Variants in LPP observed in about 807,000 individuals in gnomAD.
LPP encodes lipoma-preferred partner.
Under a neutral mutation model 60.4 loss-of-function variants are expected in LPP, and 38 were observed. The observed-to-expected ratio is 0.63, with a 90% CI of 0.49 to 0.83. The LOEUF is 0.83. LPP is among the 40% of genes least tolerant of loss of function. The pLI is 0.00. For synonymous variants in LPP, 328 were observed against 290.8 expected (o/e 1.13, Z -1.30); for missense variants, 902 against 783.6 (o/e 1.15, Z -1.80).
chr3:188,854,931 C>T (rs1360725711), intron 9 of LPP, among the ~76,000 whole-genome samples: 2 of 152,180 alleles, frequency 1.3e-5, no homozygotes, highest in Non-Finnish European at 2.9e-5. Context: ...TCTCTGCTTG[C>T]AGATCTTGAT....
At chr3:188,505,258 C>T (rs532242041) in intron 5 of LPP, among the ~76,000 whole-genome samples, 4 of 152,218 alleles carry the variant, frequency 2.6e-5, no homozygotes, top group Admixed American at 2.6e-4. Context: ...GAATCCCTTT[C>T]ACTTCCTTCG....
intron 8 of LPP, among the ~76,000 whole-genome samples, chr3:188,749,232 G>T (rs560936837): frequency 1.3e-5 from 2 of 152,210 alleles, no homozygotes; most frequent in Non-Finnish European, 2.9e-5. Flanking sequence ...ACTGATACTT[G>T]AGGTAGGGCA....
At chr3:188,870,680 C>T (rs906714688) in intron 10 of LPP, among the ~76,000 whole-genome samples, 1 of 152,170 alleles carries the variant, frequency 6.6e-6, no homozygotes, top group Non-Finnish European at 1.5e-5. Flanking sequence ...TTTACTTTTA[C>T]GATTATTGTC....
chr3:188,756,314 C>T (rs928168909), intron 8 of LPP, among the ~76,000 whole-genome samples: 2 of 152,136 alleles, frequency 1.3e-5, no homozygotes, highest in Non-Finnish European at 2.9e-5. Flanking sequence ...CATCGGCTGC[C>T]GGCCCTCTGT....
intron 9 of LPP, among the ~76,000 whole-genome samples, chr3:188,798,792 T>C (rs1402319013): frequency 1.4e-5 from 2 of 145,788 alleles, no homozygotes; most frequent in African/African-American, 5.1e-5. Flanking sequence ...TGAGTAGGAA[T>C]AAGAGAACAA....
chr3:188,248,789 T>C (rs1219367753), intron 2 of LPP, among the ~76,000 whole-genome samples: 1 of 152,060 alleles, frequency 6.6e-6, no homozygotes, highest in East Asian at 1.9e-4. Context: ...TGCCCTCCCT[T>C]GCACCAGTTC....
At chr3:188,245,655 CT>C (rs371005938) in intron 2 of LPP, among the ~76,000 whole-genome samples, 165 of 146,770 alleles carry the variant, frequency 1.1e-3, no homozygotes, top group Middle Eastern at 3.6e-3. Context: ...TAACCCCACA[CT>C]TTTTTTTTTT....
At chr3:188,668,118 A>T (rs574108675) in intron 7 of LPP, among the ~76,000 whole-genome samples, 1 of 152,238 alleles carries the variant, frequency 6.6e-6, no homozygotes, top group South Asian at 2.1e-4. Context: ...CTCAGTATAT[A>T]GAGAGAGTAT....
chr3:188,513,071 T>G (rs529232590), intron 5 of LPP, among the ~76,000 whole-genome samples: 1 of 152,334 alleles, frequency 6.6e-6, no homozygotes, highest in African/African-American at 2.4e-5. Flanking sequence ...GTCTACCAAT[T>G]TTATTATTTC....
intron 3 of LPP, among the ~76,000 whole-genome samples, chr3:188,388,767 A>C (rs184906823): frequency 1.3e-5 from 2 of 152,310 alleles, no homozygotes; most frequent in African/African-American, 2.4e-5. Flanking sequence ...ATCTGTAGTA[A>C]CTGAAAGCAG....
intron 6 of LPP, among the ~76,000 whole-genome samples, chr3:188,595,643 T>C (rs143933694): frequency 6.6e-6 from 1 of 152,314 alleles, no homozygotes; most frequent in East Asian, 1.9e-4. Flanking sequence ...TGATCTAAAA[T>C]ATCAAGTAGG....
intron 1 of LPP, among the ~76,000 whole-genome samples, chr3:188,169,551 G>A (rs1166253643): frequency 3.9e-5 from 6 of 152,172 alleles, no homozygotes; most frequent in African/African-American, 1.4e-4. Context: ...AAGTAAGTTT[G>A]GAAAAGTCCA....
chr3:188,449,805 T>A (rs1796173227), intron 4 of LPP, among the ~76,000 whole-genome samples: 1 of 151,766 alleles, frequency 6.6e-6, no homozygotes, highest in Admixed American at 6.6e-5. Flanking sequence ...ATATTGCTAT[T>A]ATTATTATTA....
intron 1 of LPP, among the ~76,000 whole-genome samples, chr3:188,205,584 A>T (rs1270851521): frequency 6.6e-6 from 1 of 152,112 alleles, no homozygotes; most frequent in African/African-American, 2.4e-5. Context: ...ACCCAGCTGT[A>T]AGTAGAGTAT....
Position 188,406,183 on chromosome 3 carries a change from A to G in LPP, c.63A>G (p.Ala21=), listed in dbSNP as rs1437148245. ...GTGAGCCCCTCGGCCATGTGCCTGC[A>G]CGGATGGAGACCACCCATTCCTTTG... ...STGEPLGHVP[A]RMETTHSFGN... Residue 21 remains alanine, a synonymous_variant, in exon 4 of 12, where the codon GCA becomes GCG. Coordinates refer to ENST00000617246, the MANE Select transcript of LPP (RefSeq NM_001375462.1). The G allele has an allele frequency of 2.5e-6, 4 of 1,614,144 alleles. No homozygotes were observed. Among genetic ancestry groups the G allele is most frequent in the Non-Finnish European group, 3.4e-6 (4 of 1,180,000 alleles).
intron 6 of LPP, among the ~76,000 whole-genome samples, chr3:188,527,754 C>CT (rs71169007): frequency 0.46 from 66,769 of 144,498 alleles, 15,902 homozygotes; most frequent in East Asian, 0.91. Flanking sequence ...GCTCCCTTTC[C>CT]TTTTTTTTTT....
chr3:188,527,369 AAG>A (rs1560522503), intron 6 of LPP, among the ~76,000 whole-genome samples: 1 of 130,366 alleles, frequency 7.7e-6, no homozygotes, highest in African/African-American at 2.8e-5. Context: ...AAAAAAAAAA[AAG>A]AGAGAATATA....
chr3:188,623,479 A>G (rs1846204981), intron 7 of LPP, among the ~76,000 whole-genome samples: 1 of 152,132 alleles, frequency 6.6e-6, no homozygotes, highest in Non-Finnish European at 1.5e-5. Flanking sequence ...GCAGGTCTCG[A>G]ACTCCTAACC....
At chr3:188,367,007 C>T (rs1157683174) in intron 3 of LPP, among the ~76,000 whole-genome samples, 1 of 152,070 alleles carries the variant, frequency 6.6e-6, no homozygotes, top group East Asian at 1.9e-4. Flanking sequence ...AGTCATTCTC[C>T]TGCCTCAGCC....
Sources: allele counts gnomAD v4.1 joint callset (sites outside exome capture counted in the v4.1 genomes callset), GRCh38; gene constraint gnomAD v4.1.1; transcripts MANE v1.5; gene names NCBI Gene and HGNC (gene_info 2026-07-23, HGNC 2026-07-21).